The following SLC24A3 variants were observed in gnomAD, a reference collection of about 807,000 sequenced individuals.
SLC24A3 encodes the protein solute carrier family 24 member 3.
SLC24A3 carries 28 observed loss-of-function variants against 75.8 expected under a neutral mutation model. That is an observed-to-expected ratio of 0.37 (90% CI 0.27 to 0.51). SLC24A3 has a LOEUF of 0.51. Among genes scored for constraint, SLC24A3 ranks in the 20% least tolerant of loss-of-function variants. The pLI, the probability that SLC24A3 is intolerant of heterozygous loss-of-function variation, is 0.94. For missense variants in SLC24A3, 663 were observed against 847.8 expected, an observed-to-expected ratio of 0.78 and a Z score of 2.71; for synonymous variants, 372 against 334.1, an observed-to-expected ratio of 1.11 and a Z score of -1.24.
chr20:19,419,330 T>G (rs1402668784), intron 2 of SLC24A3, among the ~76,000 whole-genome samples: 1 of 150,664 alleles, frequency 6.6e-6, no homozygotes, highest in Non-Finnish European at 1.5e-5. Flanking sequence ...AAACCCCCTC[T>G]CCTGCTGGCA....
At chr20:19,255,493 C>T (rs1982787521) in intron 1 of SLC24A3, among the ~76,000 whole-genome samples, 2 of 152,226 alleles carry the variant, frequency 1.3e-5, no homozygotes, top group Admixed American at 1.3e-4. Context: ...TTGTCCTCTC[C>T]AGGTGGCCCA....
At chr20:19,604,659 T>C (rs1290842096) in intron 6 of SLC24A3, among the ~76,000 whole-genome samples, 3 of 152,180 alleles carry the variant, frequency 2.0e-5, no homozygotes, top group Non-Finnish European at 4.4e-5. Flanking sequence ...AACTAGCTTA[T>C]TGTCATGGAC....
intron 6 of SLC24A3, among the ~76,000 whole-genome samples, chr20:19,649,416 G>A (rs958428733): frequency 7.9e-5 from 12 of 152,148 alleles, no homozygotes; most frequent in African/African-American, 2.9e-4. Flanking sequence ...TAGTTTCAGT[G>A]TTTATTTAAC....
chr20:19,672,412 G>A (rs905148685), intron 8 of SLC24A3, among the ~76,000 whole-genome samples: 1 of 152,080 alleles, frequency 6.6e-6, no homozygotes, highest in Admixed American at 6.6e-5. Flanking sequence ...ATAGCTCACT[G>A]TAGCCTCCAT....
chr20:19,518,364 G>A (rs2030036573), intron 3 of SLC24A3, among the ~76,000 whole-genome samples: 1 of 152,242 alleles, frequency 6.6e-6, no homozygotes, highest in Non-Finnish European at 1.5e-5. Flanking sequence ...CTTGTGAAGA[G>A]AACCACTTAT....
chr20:19,536,726 T>A (rs906448783), intron 3 of SLC24A3, among the ~76,000 whole-genome samples: 3 of 152,016 alleles, frequency 2.0e-5, no homozygotes, highest in Admixed American at 6.6e-5. Flanking sequence ...ATGCCGCATA[T>A]CTACAACTAT....
intron 3 of SLC24A3, among the ~76,000 whole-genome samples, chr20:19,548,050 G>T (rs973324482): frequency 6.6e-6 from 1 of 152,136 alleles, no homozygotes; most frequent in Non-Finnish European, 1.5e-5. Context: ...AATTAACATG[G>T]TCTTCTCAGT....
chr20:19,600,221 T>C (rs766448050), intron 6 of SLC24A3, among the ~76,000 whole-genome samples: 1 of 152,100 alleles, frequency 6.6e-6, no homozygotes, highest in Non-Finnish European at 1.5e-5. Flanking sequence ...CCCTGCCAGC[T>C]TGGCCTAGAC....
chr20:19,448,473 C>T (rs1027051137), intron 2 of SLC24A3, among the ~76,000 whole-genome samples: 14 of 152,292 alleles, frequency 9.2e-5, no homozygotes, highest in South Asian at 2.1e-4. Flanking sequence ...ACTTCAACAC[C>T]GTGTTTTCCC....
chr20:19,306,464 T>C (rs1984332587), intron 2 of SLC24A3, among the ~76,000 whole-genome samples: 1 of 152,190 alleles, frequency 6.6e-6, no homozygotes, highest in African/African-American at 2.4e-5. Flanking sequence ...TGTCCATCAA[T>C]GGTGGACTGG....
chr20:19,247,206 C>T (rs1181844931), intron 1 of SLC24A3, among the ~76,000 whole-genome samples: 1 of 152,112 alleles, frequency 6.6e-6, no homozygotes, highest in Non-Finnish European at 1.5e-5. Flanking sequence ...CCAATGACTC[C>T]AGTAGGCTCT....
At chr20:19,666,560 C>T (rs188899391) in intron 8 of SLC24A3, among the ~76,000 whole-genome samples, 2 of 152,220 alleles carry the variant, frequency 1.3e-5, no homozygotes, top group East Asian at 1.9e-4. Context: ...CCCAATCCCA[C>T]GTTTATCTTA....
At chr20:19,343,776 G>T (rs1324344527) in intron 2 of SLC24A3, among the ~76,000 whole-genome samples, 3 of 152,156 alleles carry the variant, frequency 2.0e-5, no homozygotes, top group African/African-American at 7.2e-5. Context: ...AATGTTGGAT[G>T]CATTCAATGA....
chr20:19,704,524 G>A (rs2032906897), intron 15 of SLC24A3, among the ~76,000 whole-genome samples: 1 of 152,192 alleles, frequency 6.6e-6, no homozygotes, highest in Non-Finnish European at 1.5e-5. Context: ...GAGTGGGGAA[G>A]GATAGACAGT....
intron 12 of SLC24A3, among the ~76,000 whole-genome samples, chr20:19,691,225 G>C (rs2032741475): frequency 2.0e-5 from 3 of 152,214 alleles, no homozygotes; most frequent in Non-Finnish European, 4.4e-5. Context: ...GATGATGAGA[G>C]TTATATTTAG....
At chr20:19,315,533 A>G (rs1328044691) in intron 2 of SLC24A3, among the ~76,000 whole-genome samples, 2 of 152,082 alleles carry the variant, frequency 1.3e-5, no homozygotes, top group Non-Finnish European at 2.9e-5. Context: ...GGCTGGGGGC[A>G]GATCCCTGAA....
At chr20:19,572,839 T>G (rs1340017644) in intron 3 of SLC24A3, among the ~76,000 whole-genome samples, 1 of 152,148 alleles carries the variant, frequency 6.6e-6, no homozygotes, top group Non-Finnish European at 1.5e-5. Flanking sequence ...AGTTCCACCT[T>G]GTCCTCATGG....
In SLC24A3 at chr20:19,307,744, G is replaced by GT. The variant is rs371213305; in HGVS notation, c.271+26658dup. On this transcript the variant is annotated intron_variant, in intron 2 of 16. Transcript: ENST00000328041. ...GGTAACAAACCTGCATGTTCAGCAC[G>GT]TGTATCCCAGAACTTCAAGTAAAAT... Among the ~76,000 whole-genome samples, 6 of 152,226 alleles carry GT rather than the reference G, an allele frequency of 3.9e-5. No individual in the cohort carries two copies. In the East Asian group the frequency reaches 1.2e-3, roughly 29 times the overall value.
intron 1 of SLC24A3, among the ~76,000 whole-genome samples, chr20:19,219,425 G>T (rs1237555640): frequency 6.6e-6 from 1 of 152,142 alleles, no homozygotes; most frequent in African/African-American, 2.4e-5. Context: ...TAGTTGCTAG[G>T]GTGGCAGCGT....
Sources: gnomAD v4.1 joint callset for allele counts (sites outside exome capture counted in the v4.1 genomes callset) on GRCh38, gnomAD v4.1.1 for gene constraint, MANE v1.5 for transcripts, NCBI Gene and HGNC (gene_info 2026-07-23, HGNC 2026-07-21) for gene names.